Variants in SLC18A1 observed in about 807,000 individuals in gnomAD.
SLC18A1 encodes the protein solute carrier family 18 member A1.
SLC18A1 carries 69 observed loss-of-function variants against 53.7 expected under a neutral mutation model. The observed-to-expected ratio is 1.28, with a 90% CI of 1.06 to 1.57. The LOEUF (loss-of-function observed/expected upper bound fraction) is 1.57. Among genes scored for constraint, SLC18A1 ranks in the 40% most tolerant of loss-of-function variants. SLC18A1 has a pLI of 0.00. For synonymous variants in SLC18A1, 320 were observed against 248.1 expected (o/e 1.29, Z -2.72); for missense variants, 932 against 668.1 (o/e 1.40, Z -4.35).
chr8:20,179,359 A>T lies in SLC18A1; in HGVS notation c.250T>A (p.Phe84Ile). The T allele has an allele frequency of 2.5e-6, 4 of 1,614,228 alleles. No individual in the cohort carries two copies. Among genetic ancestry groups the T allele is most frequent in the Non-Finnish European group, 3.4e-6 (4 of 1,180,050 alleles). ...ACAGCCACGGTGTTGTTGTTGAAGA[A>T]GGAGAAGATGGTGGAAAAGGCAGGA... ...ASPAFSTIFS[F>I]FNNNTVAVEE... is the part of the protein sequence containing the mutation. Residue 84 changes from phenylalanine to isoleucine, a missense_variant, in exon 3 of 16, where the codon TTC becomes ATC. Coordinates refer to ENST00000276373, the MANE Select transcript of SLC18A1 (RefSeq NM_003053.4).
At chr8:20,162,819 G>T (rs1180998672) in intron 10 of SLC18A1, among the ~76,000 whole-genome samples, 1 of 152,112 alleles carries the variant, frequency 6.6e-6, no homozygotes, top group East Asian at 1.9e-4. Context: ...CTTCTTCTGA[G>T]CCCTCACCAG....
intron 6 of SLC18A1, 41 bp from the exon 7 acceptor site, chr8:20,171,535 G>A (rs1398841130): frequency 6.7e-7 from 1 of 1,492,064 alleles, no homozygotes; most frequent in South Asian, 1.1e-5. Flanking sequence ...AGGTGAGGGT[G>A]AGTCCTTTGC....
Position 20,178,991 on chromosome 8 carries a change from C to G in SLC18A1, c.488+130G>C. The G allele has an allele frequency of 5.3e-6, 6 of 1,129,490 alleles. No individual in the cohort carries two copies. In the South Asian group the frequency reaches 1.0e-4, roughly 19 times the overall value. The allele number at this position is 1,129,490 out of a possible 1,614,324, so 70.0% of individuals were successfully genotyped here. A position where few individuals can be genotyped will look rare whatever the true frequency, so the allele number is the denominator to read the frequency against. ...GTTATTCTTTGAGTAACGAGCTTTC[C>G]GAATAGCTGACTCCCCTGAGGAATC... On this transcript the variant is annotated intron_variant, in intron 3 of 15. Coordinates refer to ENST00000276373, the MANE Select transcript of SLC18A1 (RefSeq NM_003053.4).
At chr8:20,167,111 A>G (rs75195576) in intron 8 of SLC18A1, among the ~76,000 whole-genome samples, 3,497 of 151,732 alleles carry the variant, frequency 0.023, 149 homozygotes, top group African/African-American at 0.081. Flanking sequence ...CAGAATGGAG[A>G]AAAAAAACTA....
At chr8:20,155,986 A>G (rs565355944) in intron 10 of SLC18A1, among the ~76,000 whole-genome samples, 2 of 152,290 alleles carry the variant, frequency 1.3e-5, no homozygotes, top group East Asian at 3.9e-4. Context: ...CTCAATTTCT[A>G]TCCAACTTAC....
chr8:20,175,525 T>C (rs1199785580), intron 4 of SLC18A1: 2 of 152,216 alleles, frequency 1.3e-5, no homozygotes, highest in Non-Finnish European at 2.9e-5. Flanking sequence ...GGGGAACTAA[T>C]AAATGTCCAT....
intron 4 of SLC18A1, among the ~76,000 whole-genome samples, chr8:20,177,947 C>G (rs1420177471): frequency 6.6e-6 from 1 of 152,162 alleles, no homozygotes; most frequent in African/African-American, 2.4e-5. Flanking sequence ...CTAAGCTTAA[C>G]CTTTAAAGCC....
At position 20,171,401 on chromosome 8, in the gene SLC18A1, T is replaced by C; in HGVS notation, c.814+4A>G. On this transcript the variant is annotated splice_donor_region_variant and intron_variant, in intron 7 of 15. Coordinates refer to ENST00000276373, the MANE Select transcript of SLC18A1 (RefSeq NM_003053.4). Reference sequence around the variant, plus strand: ...ACCTGCTGGAGGCTCTGATGGTGACTTACCTCCATCCAGTAGTGCCAGGAA... The same window carrying C: ...ACCTGCTGGAGGCTCTGATGGTGACCTACCTCCATCCAGTAGTGCCAGGAA... The C allele has an allele frequency of 1.2e-6, 2 of 1,611,666 alleles. No homozygotes were observed. The highest frequency in any genetic ancestry group is 8.5e-7 in the Non-Finnish European group (1 of 1,177,846).
Position 20,165,119 on chromosome 8 carries a change from G to T in SLC18A1, c.859-12C>A, listed in dbSNP as rs762067650. 2 of 1,612,582 alleles carry T rather than the reference G, an allele frequency of 1.2e-6. No individual in the cohort carries two copies. The highest frequency in any genetic ancestry group is 3.3e-5 in the Admixed American group (2 of 60,000). On this transcript the variant is annotated splice_polypyrimidine_tract_variant and intron_variant, in intron 8 of 15. Transcript: ENST00000276373. ...GTCCCCTTGGCACTCTGAGAACATG[G>T]ATAACAAAAAATGTCCATTTGTACA...
rs1457400400 is a variant in SLC18A1 at position 20,166,312 on chromosome 8, TATATATATATATATATATAC to T, written c.859-1225_859-1206del. ...GTCTATATATATATATATATATATA[TATATATATATATATATATAC>T]ACCACCAGGTGGAAAATAATAAGGA... On this transcript the variant is annotated intron_variant, in intron 8 of 15. Transcript: ENST00000276373. 3.3e-3 allele frequency among the ~76,000 whole-genome samples: 318 copies of T among 95,642 alleles called. 24 individuals carry two copies. Among genetic ancestry groups the T allele is most frequent in the South Asian group, 6.0e-3 (17 of 2,822 alleles). 62.7% of individuals were successfully genotyped at this position (95,642 alleles called of 152,430 possible). A position where few individuals can be genotyped will look rare whatever the true frequency, so the allele number is the denominator to read the frequency against.
In SLC18A1 at chr8:20,161,351, GA is replaced by G. The variant is rs527683509; in HGVS notation, c.1015+3517del. Among the ~76,000 whole-genome samples, 130 of 149,482 alleles carry G rather than the reference GA, an allele frequency of 8.7e-4. No homozygotes were observed. The Middle Eastern group carries it at 0.01, about 12-fold the overall frequency. On this transcript the variant is annotated intron_variant, in intron 10 of 15. Transcript: ENST00000276373. ...TAATCGCAGATCAAAAATATATGAG[GA>G]AAAAAAATAAAAATAACAGTACAAG...
chr8:20,152,770 A>G (rs561098215), intron 10 of SLC18A1, among the ~76,000 whole-genome samples: 14 of 152,220 alleles, frequency 9.2e-5, no homozygotes, highest in African/African-American at 2.9e-4. Context: ...ATCTTTAGAC[A>G]TTAGCAAAGA....
chr8:20,165,931 T>G (rs1185749153), intron 8 of SLC18A1, among the ~76,000 whole-genome samples: 1 of 152,186 alleles, frequency 6.6e-6, no homozygotes, highest in Non-Finnish European at 1.5e-5. Context: ...TGTAATAGAT[T>G]GGATCATTTT....
chr8:20,171,149 A>T lies in SLC18A1; in HGVS notation c.815-3T>A. ...CTGTAGGATGCAAAGCTGGAGTGCT[A>T]AGAAACAAAGAAGGTGAGACAGTTC... On this transcript the variant is annotated splice_region_variant and splice_polypyrimidine_tract_variant and intron_variant, in intron 7 of 15. Coordinates refer to ENST00000276373, the MANE Select transcript of SLC18A1 (RefSeq NM_003053.4). The T allele has an allele frequency of 1.2e-6, 2 of 1,614,162 alleles. No individual in the cohort carries two copies. The highest frequency in any genetic ancestry group is 1.7e-6 in the Non-Finnish European group (2 of 1,179,996).
At chr8:20,167,956 C>A (rs1284693597) in intron 8 of SLC18A1, among the ~76,000 whole-genome samples, 2 of 151,986 alleles carry the variant, frequency 1.3e-5, no homozygotes, top group Non-Finnish European at 2.9e-5. Flanking sequence ...TCCCTACTAA[C>A]AAGAACCTGG....
rs2270648 is a variant in SLC18A1 at position 20,150,695 on chromosome 8, G to A, written c.1065C>T (p.Leu355=). The A allele has an allele frequency of 9.4e-3, 15,131 of 1,614,122 alleles. 849 individuals are homozygous for A. In the East Asian group the frequency reaches 0.16, roughly 17 times the overall value. ...ASVSYLIGTN[L]FGVLANKMGR... is the part of the protein sequence containing the mutation. ...CCATCTTGTTGGCCAACACACCAAA[G>A]AGGTTGGTGCCAATGAGGTAGGACA... The change falls in exon 11 of 16, where the codon CTC becomes CTT. Residue 355 remains leucine, a synonymous_variant. Coordinates refer to ENST00000276373, the MANE Select transcript of SLC18A1 (RefSeq NM_003053.4).
chr8:20,147,517 AC>A, intron 14 of SLC18A1, 85 bp downstream of exon 14: 1 of 1,594,084 alleles, frequency 6.3e-7, no homozygotes, highest in Non-Finnish European at 8.6e-7. Context: ...GATCTCCAGA[AC>A]CCTAGGAGGA....
At chr8:20,174,906 G>A (rs1465347272) in intron 4 of SLC18A1, among the ~76,000 whole-genome samples, 1 of 152,188 alleles carries the variant, frequency 6.6e-6, no homozygotes, top group Admixed American at 6.5e-5. Flanking sequence ...GAGGATTATA[G>A]GAATTGGGTA....
chr8:20,153,163 C>T (rs1400710894), intron 10 of SLC18A1, among the ~76,000 whole-genome samples: 8 of 152,146 alleles, frequency 5.3e-5, no homozygotes, highest in African/African-American at 1.7e-4. Flanking sequence ...CAATGTGAAA[C>T]CCACTTTAGG....
Sources: allele counts gnomAD v4.1 joint callset (sites outside exome capture counted in the v4.1 genomes callset), GRCh38; gene constraint gnomAD v4.1.1; transcripts MANE v1.5; gene names NCBI Gene and HGNC (gene_info 2026-07-23, HGNC 2026-07-21).